The following DMXL1 variants were observed in gnomAD, a reference collection of about 807,000 sequenced individuals.
DMXL1 encodes dmX-like protein 1.
Under a neutral mutation model 319.2 loss-of-function variants are expected in DMXL1, and 99 were observed. The ratio of observed to expected loss-of-function variants is 0.31; its 90% CI spans 0.26 to 0.37. The LOEUF (loss-of-function observed/expected upper bound fraction) is 0.37. DMXL1 is among the 10% of genes least tolerant of loss of function. The pLI is 1.00. For missense variants in DMXL1, 3,745 were observed against 3,595.6 expected (o/e 1.04, Z -1.06); for synonymous variants, 1,385 against 1,235.2 (o/e 1.12, Z -2.54).
rs1441602882 is a variant in DMXL1 at position 119,150,080 on chromosome 5, G to A, written c.4253G>A (p.Ser1418Asn). Residue 1418 changes from serine to asparagine, a missense_variant, in exon 18 of 44, where the codon AGC becomes AAC. Physicochemically the swap from Ser to Asn is conservative, Grantham distance 46 (BLOSUM62 1). This residue lies in a region of DMXL1 where 2,096 missense variants were observed against 1,985.4 expected (regional missense o/e 1.06). Transcript: ENST00000539542. ...LYALLAADDD[S>N]CYSSLEKSSN... ...GCCTTACTTGCAGCAGATGATGATA[G>A]CTGTTACTCATCTTTGGAGAAATCT... The A allele has an allele frequency of 3.1e-6, 5 of 1,613,566 alleles. No individual in the cohort carries two copies. The highest frequency in any genetic ancestry group is 4.2e-6 in the Non-Finnish European group (5 of 1,179,810).
Position 119,149,983 on chromosome 5 carries a change from C to G in DMXL1, c.4156C>G (p.Pro1386Ala), listed in dbSNP as rs1055278454. The change falls in exon 18 of 44, where the codon CCC becomes GCC. Residue 1386 changes from proline to alanine, a missense_variant. Pro to Ala is a conservative substitution (Grantham distance 27, BLOSUM62 -1). Transcript: ENST00000539542. ...TGCTAGTGGAAGCACTACCAGAGAC[C>G]CCCAGGCATTCAACAAGGCTGAAAA... ...ISASGSTTRD[P>A]QAFNKAENTD... The G allele has an allele frequency of 1.2e-6, 2 of 1,613,816 alleles. No homozygotes were observed. Among genetic ancestry groups the G allele is most frequent in the Non-Finnish European group, 1.7e-6 (2 of 1,179,886 alleles).
rs1219730829 is a variant in DMXL1, at chr5:119,223,000, T to C, written c.8278-1709T>C. ...CTACCCCCAGTCACCTTATATTTTA[T>C]CATCTTTATTATCCCTTGCGCTTAC... On this transcript the variant is annotated intron_variant, in intron 37 of 43. Transcript: ENST00000539542. Among the ~76,000 whole-genome samples, 4 of 151,398 alleles carry C rather than the reference T, an allele frequency of 2.6e-5. No homozygotes were observed. The East Asian group carries it at 7.8e-4, about 29-fold the overall frequency.
At chr5:119,122,620 C>T (rs1403412870) in intron 9 of DMXL1, among the ~76,000 whole-genome samples, 1 of 150,096 alleles carries the variant, frequency 6.7e-6, no homozygotes, top group African/African-American at 2.5e-5. Context: ...CTCCTCACTT[C>T]TCAGACGGGG....
rs1482227741 is a variant in DMXL1, at chr5:119,121,258, TTTTC to T, written c.1102+123_1102+126del. 4 of 754,060 alleles carry T rather than the reference TTTTC, an allele frequency of 5.3e-6. No homozygotes were observed. The African/African-American group carries it at 7.4e-5, about 14-fold the overall frequency. The allele number at this position is 754,060 out of a possible 1,614,324, so 46.7% of individuals were successfully genotyped here. ...ATTGGAGGTGACTGTCTTAGCCTAT[TTTTC>T]TTTTTTTTTTCTTTTTTTTTAATTT... On this transcript the variant is annotated intron_variant, in intron 9 of 43. Transcript: ENST00000539542.
At chr5:119,210,153 G>C (rs1301993128) in intron 34 of DMXL1, among the ~76,000 whole-genome samples, 1 of 151,952 alleles carries the variant, frequency 6.6e-6, no homozygotes, top group Non-Finnish European at 1.5e-5. Flanking sequence ...GTTTCACCAT[G>C]TTACCCAGGC....
At chr5:119,111,777 C>T (rs1759657444) in intron 5 of DMXL1, among the ~76,000 whole-genome samples, 1 of 152,098 alleles carries the variant, frequency 6.6e-6, no homozygotes, top group Admixed American at 6.6e-5. Context: ...TAGTAAGCAA[C>T]ATTGGGCAAT....
chr5:119,193,900 AATGATG>A lies in DMXL1; in HGVS notation c.7400_7405del (p.Asp2467_Asp2468del). 1 of 1,607,108 alleles carries A rather than the reference AATGATG, an allele frequency of 6.2e-7. No individual in the cohort carries two copies. On this transcript the variant is annotated inframe_deletion, in exon 30 of 44. Transcript: ENST00000539542. ...GAGTCTGGGAAGTGATGATGATGAC[AATGATG>A]ATGATGATGATGTTTTAGCATCAGA... is the stretch of plus-strand genomic sequence containing the variant.
At chr5:119,088,115 A>G (rs1457684240) in intron 1 of DMXL1, among the ~76,000 whole-genome samples, 1 of 152,100 alleles carries the variant, frequency 6.6e-6, no homozygotes, top group Non-Finnish European at 1.5e-5. Flanking sequence ...TTTGCTTTAT[A>G]TGCTTGAGAG....
At chr5:119,146,704 C>G (rs969148909) in intron 15 of DMXL1, 133 bp from the exon 16 acceptor site, 2 of 720,494 alleles carry the variant, frequency 2.8e-6, no homozygotes, top group African/African-American at 3.7e-5. Flanking sequence ...TTTATAATAC[C>G]ACTTGTGTTT....
At chr5:119,173,300 A>G (rs373872809) in intron 25 of DMXL1, among the ~76,000 whole-genome samples, 95 of 150,932 alleles carry the variant, frequency 6.3e-4, no homozygotes, top group African/African-American at 2.2e-3. Flanking sequence ...AGATCGCACC[A>G]TTACACTCCA....
At chr5:119,246,923 G>C in intron 43 of DMXL1, 72 bp from the exon 44 acceptor site, 1 of 1,166,700 alleles carries the variant, frequency 8.6e-7, no homozygotes, top group Non-Finnish European at 1.2e-6. Flanking sequence ...ATGAGCCACC[G>C]CACCTGGCCT....
At chr5:119,183,976 G>A (rs561076492) in intron 28 of DMXL1, among the ~76,000 whole-genome samples, 2 of 152,046 alleles carry the variant, frequency 1.3e-5, no homozygotes, top group Non-Finnish European at 2.9e-5. Context: ...GCTAAAGCCT[G>A]ATGACAGTAG....
intron 4 of DMXL1, among the ~76,000 whole-genome samples, chr5:119,109,702 A>G (rs1462160483): frequency 6.6e-6 from 1 of 152,208 alleles, no homozygotes; most frequent in Non-Finnish European, 1.5e-5. Flanking sequence ...ATTAAGGACC[A>G]GGTTTCATTT....
intron 1 of DMXL1, among the ~76,000 whole-genome samples, chr5:119,076,284 AGTC>A (rs1268850087): frequency 1.3e-5 from 2 of 152,232 alleles, no homozygotes; most frequent in East Asian, 1.9e-4. Flanking sequence ...CTGAATAAGT[AGTC>A]GTCTTCAGCT....
intron 1 of DMXL1, among the ~76,000 whole-genome samples, chr5:119,096,102 C>T (rs2149771815): frequency 6.6e-6 from 1 of 151,970 alleles, no homozygotes; most frequent in Non-Finnish European, 1.5e-5. Flanking sequence ...TCTCAAGTCC[C>T]ATTTTTAATA....
intron 35 of DMXL1, 151 bp from the exon 36 acceptor site, chr5:119,220,321 T>G (rs1262513401): frequency 1.5e-6 from 1 of 659,968 alleles, no homozygotes; most frequent in Admixed American, 3.1e-5. Context: ...AAACTGAAGC[T>G]TATTATTTCA....
intron 2 of DMXL1, 44 bp downstream of exon 2, chr5:119,098,148 T>G (rs754324896): frequency 1.9e-6 from 3 of 1,574,978 alleles, no homozygotes; most frequent in South Asian, 2.4e-5. Context: ...TGGAATATGG[T>G]TTTTGTCAGG....
At chr5:119,219,568 A>ATTTATTT (rs1554146908) in intron 35 of DMXL1, among the ~76,000 whole-genome samples, 6 of 150,592 alleles carry the variant, frequency 4.0e-5, no homozygotes, top group African/African-American at 1.5e-4. Flanking sequence ...TTAATTAATT[A>ATTTATTT]ATTTATTTAT....
Position 119,167,682 on chromosome 5 carries a change from C to T in DMXL1, c.5216C>T (p.Ala1739Val). The part of the protein sequence containing the change: ...RLYESEFDTS[A>V]AYKSILRKKV... ...TATGAGTCTGAATTTGATACATCTG[C>T]AGCATATAAATCTATTTTACGTAAA... The change falls in exon 23 of 44, where the codon GCA becomes GTA. Residue 1739 changes from alanine (A) to valine (V), a missense_variant. Physicochemically the swap from Ala to Val is moderately conservative, Grantham distance 64 (BLOSUM62 0). Coordinates refer to ENST00000539542, the MANE Select transcript of DMXL1 (RefSeq NM_001290321.3). The T allele has an allele frequency of 6.2e-7, 1 of 1,613,172 alleles. No homozygotes were observed. Among genetic ancestry groups the T allele is most frequent in the Non-Finnish European group, 8.5e-7 (1 of 1,179,438 alleles).
Sources: gnomAD v4.1 joint callset for allele counts (sites outside exome capture counted in the v4.1 genomes callset) on GRCh38, gnomAD v4.1.1 for gene constraint, gnomAD v4.1.1 regional missense constraint, MANE v1.5 for transcripts, NCBI Gene and HGNC (gene_info 2026-07-23, HGNC 2026-07-21) for gene names.